PTCHD4: variants seen among roughly 807,000 people sequenced by gnomAD.
The protein encoded by PTCHD4 is patched domain containing 4.
Under a neutral mutation model 58.1 loss-of-function variants are expected in PTCHD4, and 33 were observed. The observed-to-expected ratio is 0.57, with a 90% CI of 0.43 to 0.76. The LOEUF is 0.76. Ranked by LOEUF, PTCHD4 falls within the 30% of genes least tolerant of loss-of-function variation. The pLI, the probability that PTCHD4 is intolerant of heterozygous loss-of-function variation, is 0.00. For synonymous variants in PTCHD4, 478 were observed against 409.6 expected (o/e 1.17, Z -2.02); for missense variants, 1,058 against 1,027.1 (o/e 1.03, Z -0.41).
chr6:48,004,438 T>C (rs1362070512), intron 4 of PTCHD4, among the ~76,000 whole-genome samples: 1 of 152,154 alleles, frequency 6.6e-6, no homozygotes, highest in Non-Finnish European at 1.5e-5. Flanking sequence ...CAGCTTGGCA[T>C]CTGTGTGTAA....
At chr6:47,987,417 A>T (rs1273728457) in intron 4 of PTCHD4, among the ~76,000 whole-genome samples, 2 of 150,670 alleles carry the variant, frequency 1.3e-5, no homozygotes, top group Non-Finnish European at 3.0e-5. Context: ...AAAAAAAAAG[A>T]TTAAAAAAAA....
At chr6:47,953,027 T>C (rs1252812770) in intron 4 of PTCHD4, among the ~76,000 whole-genome samples, 2 of 149,774 alleles carry the variant, frequency 1.3e-5, no homozygotes, top group Non-Finnish European at 3.0e-5. Context: ...CTCATGAACA[T>C]TGAAGAATAC....
chr6:47,908,541 G>T (rs1764972797), intron 4 of PTCHD4, among the ~76,000 whole-genome samples: 1 of 152,090 alleles, frequency 6.6e-6, no homozygotes, highest in Admixed American at 6.6e-5. Context: ...CCCCATTGTG[G>T]GGGTCCTTTT....
At chr6:48,032,513 A>C (rs1763484180) in intron 3 of PTCHD4, among the ~76,000 whole-genome samples, 1 of 152,080 alleles carries the variant, frequency 6.6e-6, no homozygotes, top group Non-Finnish European at 1.5e-5. Flanking sequence ...ATGACACAGC[A>C]ACACTTTAAA....
rs1283612367 is a variant in PTCHD4 at position 47,879,147 on chromosome 6, T to C, written c.1688A>G (p.Asn563Ser). Reference protein sequence around the residue: ...QFLKVSNVSANNKSDFISVLQ... With the variant: ...QFLKVSNVSASNKSDFISVLQ... The stretch of plus-strand genomic sequence containing the variant: ...GACACTGATGAAGTCACTTTTGTTA[T>C]TGGCACTGACGTTGCTGACTTTCAG... Residue 563 changes from asparagine (N) to serine (S), a missense_variant, in exon 5 of 5, where the codon AAT (asparagine) becomes AGT (serine). Physicochemically the swap from Asn to Ser is conservative, Grantham distance 46 (BLOSUM62 1). Transcript: ENST00000339488. The C allele has an allele frequency of 6.2e-7, 1 of 1,612,150 alleles. No homozygotes were observed. Among genetic ancestry groups the C allele is most frequent in the African/African-American group, 1.3e-5 (1 of 75,006 alleles).
chr6:47,952,887 A>G (rs1766706738), intron 4 of PTCHD4, among the ~76,000 whole-genome samples: 1 of 152,048 alleles, frequency 6.6e-6, no homozygotes, highest in Non-Finnish European at 1.5e-5. Context: ...ATGACTGTAT[A>G]TAGTATATAT....
intron 3 of PTCHD4, among the ~76,000 whole-genome samples, chr6:48,057,587 T>G (rs1764458025): frequency 6.6e-6 from 1 of 152,286 alleles, no homozygotes; most frequent in East Asian, 1.9e-4. Context: ...AGAAGCTCCA[T>G]GGAAAAAGTG....
chr6:47,890,127 A>G (rs1764330832), intron 4 of PTCHD4, among the ~76,000 whole-genome samples: 1 of 151,760 alleles, frequency 6.6e-6, no homozygotes, highest in Non-Finnish European at 1.5e-5. Flanking sequence ...CATATATAGT[A>G]TATGTGTGTG....
intron 4 of PTCHD4, among the ~76,000 whole-genome samples, chr6:47,904,165 T>A (rs114551899): frequency 6.6e-6 from 1 of 152,172 alleles, no homozygotes; most frequent in Non-Finnish European, 1.5e-5. Context: ...GGATTTTGCA[T>A]AGAATAAGAT....
At chr6:47,965,954 CA>C (rs199932991) in intron 4 of PTCHD4, among the ~76,000 whole-genome samples, 9 of 151,520 alleles carry the variant, frequency 5.9e-5, no homozygotes, top group South Asian at 2.1e-4. Flanking sequence ...AAAACAACAA[CA>C]AAAAAAACCC....
intron 4 of PTCHD4, among the ~76,000 whole-genome samples, chr6:47,994,962 A>G (rs1167932874): frequency 1.3e-5 from 2 of 152,236 alleles, no homozygotes; most frequent in South Asian, 2.1e-4. Context: ...AAAATGTTCT[A>G]GGAAGTTTAC....
intron 4 of PTCHD4, among the ~76,000 whole-genome samples, chr6:47,903,315 A>AT (rs35326763): frequency 0.73 from 110,307 of 151,746 alleles, 40,252 homozygotes; most frequent in East Asian, 0.84. Context: ...TCATTCTTTC[A>AT]TTTTTTCTTT....
intron 4 of PTCHD4, among the ~76,000 whole-genome samples, chr6:47,934,381 C>T (rs1338175944): frequency 6.6e-6 from 1 of 152,056 alleles, no homozygotes; most frequent in Non-Finnish European, 1.5e-5. Context: ...AGAACCCCAT[C>T]TTTAGCTGAA....
intron 4 of PTCHD4, among the ~76,000 whole-genome samples, chr6:48,005,042 A>AT (rs1226627940): frequency 2.6e-5 from 4 of 152,208 alleles, no homozygotes; most frequent in South Asian, 2.1e-4. Context: ...GACACATATA[A>AT]TTTTTTTTAT....
At chr6:47,951,968 T>C (rs1766670388) in intron 4 of PTCHD4, among the ~76,000 whole-genome samples, 1 of 152,124 alleles carries the variant, frequency 6.6e-6, no homozygotes, top group African/African-American at 2.4e-5. Context: ...AGCAATTGTT[T>C]AGAAGAGAAA....
In PTCHD4 at chr6:47,879,638, G is replaced by A. The variant is rs1383008488; in HGVS notation, c.1197C>T (p.His399=). ...AAGGGATCTTACAGCAAAAGATGCTGTGGTAGCGGTTTTGCTCTAGTTGGC... is the reference window on the plus strand; with the variant it reads ...AAGGGATCTTACAGCAAAAGATGCTATGGTAGCGGTTTTGCTCTAGTTGGC... The part of the protein sequence containing the change: ...FAGQLEQNRY[H]SIFCCKIPSA... The change falls in exon 5 of 5, where the codon CAC becomes CAT. Residue 399 remains histidine (H), a synonymous_variant. Coordinates refer to ENST00000339488, the MANE Select transcript of PTCHD4 (RefSeq NM_001384253.1). 1 of 1,613,668 alleles carries A rather than the reference G, an allele frequency of 6.2e-7. No individual in the cohort carries two copies. The highest frequency in any genetic ancestry group is 8.5e-7 in the Non-Finnish European group (1 of 1,179,744).
chr6:48,074,280 C>G (rs980541838), intron 1 of PTCHD4, among the ~76,000 whole-genome samples: 4 of 152,148 alleles, frequency 2.6e-5, no homozygotes, highest in Admixed American at 1.3e-4. Flanking sequence ...AAGATGTCCA[C>G]AAGAACAGTA....
At chr6:48,084,212 T>A (rs1355155787) in intron 1 of PTCHD4, among the ~76,000 whole-genome samples, 1 of 152,226 alleles carries the variant, frequency 6.6e-6, no homozygotes, top group Non-Finnish European at 1.5e-5. Flanking sequence ...AAGCATATGA[T>A]TTAATTGGAT....
intron 1 of PTCHD4, among the ~76,000 whole-genome samples, chr6:48,100,242 G>T (rs746879998): frequency 6.6e-6 from 1 of 152,092 alleles, no homozygotes; most frequent in Non-Finnish European, 1.5e-5. Context: ...AGAAAAATAG[G>T]TATATCTTCA....
Sources: gnomAD v4.1 joint callset for allele counts (sites outside exome capture counted in the v4.1 genomes callset) on GRCh38, gnomAD v4.1.1 for gene constraint, MANE v1.5 for transcripts, NCBI Gene and HGNC (gene_info 2026-07-23, HGNC 2026-07-21) for gene names.